The following FHIT variants were observed in gnomAD, a reference collection of about 807,000 sequenced individuals.
FHIT encodes the protein fragile histidine triad diadenosine triphosphatase, also known as bis(5'-adenosyl)-triphosphatase.
FHIT carries 19 observed loss-of-function variants against 17.9 expected under a neutral mutation model. That is an observed-to-expected ratio of 1.06 (90% CI 0.74 to 1.56). The LOEUF is 1.56. Ranked by LOEUF, FHIT falls within the 40% of genes most tolerant of loss-of-function variation. The pLI is 0.00. For synonymous variants in FHIT, 81 were observed against 69.7 expected, an observed-to-expected ratio of 1.16 and a Z score of -0.81; for missense variants, 248 against 189.2, an observed-to-expected ratio of 1.31 and a Z score of -1.82.
intron 4 of FHIT, among the ~76,000 whole-genome samples, chr3:60,552,891 G>C (rs537606338): frequency 6.6e-6 from 1 of 152,310 alleles, no homozygotes; most frequent in East Asian, 1.9e-4. Context: ...TGCATGTCTG[G>C]ATGGGTTTTC....
Position 61,101,570 on chromosome 3 carries a change from G to GT in FHIT, c.-163-59472dup, listed in dbSNP as rs564786012. On this transcript the variant is annotated intron_variant, in intron 2 of 9. Coordinates refer to ENST00000492590, the MANE Select transcript of FHIT (RefSeq NM_002012.4). The stretch of plus-strand genomic sequence containing the variant: ...CTTTTTTGGTTCCATATGAACTTTA[G>GT]TTTTTTCCAATTCTATGAAGAAAGT... Among the ~76,000 whole-genome samples the GT allele has an allele frequency of 6.4e-3, 963 of 150,738 alleles. 10 individuals are homozygous for GT. Among genetic ancestry groups the GT allele is most frequent in the African/African-American group, 0.022 (925 of 41,278 alleles).
At chr3:61,208,328 G>A (rs2039325234) in intron 1 of FHIT, among the ~76,000 whole-genome samples, 1 of 152,004 alleles carries the variant, frequency 6.6e-6, no homozygotes, top group African/African-American at 2.4e-5. Context: ...ATGTCTATTA[G>A]GTCCGCTTGG....
rs1477766026 is a variant in FHIT at position 60,842,617 on chromosome 3, ATATATATGAGTG to A, written c.-110-20618_-110-20607del. 8.9e-4 allele frequency among the ~76,000 whole-genome samples: 104 copies of A among 116,240 alleles called. 3 individuals carry two copies. Among genetic ancestry groups the A allele is most frequent in the African/African-American group, 3.2e-3 (91 of 28,262 alleles). The allele number at this position is 116,240 out of a possible 152,430, so 76.3% of individuals were successfully genotyped here. On this transcript the variant is annotated intron_variant, in intron 3 of 9. Coordinates refer to ENST00000492590, the MANE Select transcript of FHIT (RefSeq NM_002012.4). Reference sequence around the variant, plus strand: ...TAAATGAGTGTATATATATATACATATATATATGAGTGTATATATATATATATATTTTTTTTT... The same window carrying A: ...TAAATGAGTGTATATATATATACATATATATATATATATATATTTTTTTTT...
intron 2 of FHIT, among the ~76,000 whole-genome samples, chr3:61,132,207 G>C (rs2036783805): frequency 6.6e-6 from 1 of 152,180 alleles, no homozygotes. Context: ...TCACTTGATT[G>C]CTGAAGGAAT....
At chr3:60,379,974 C>T (rs9853451) in intron 5 of FHIT, among the ~76,000 whole-genome samples, 95,528 of 152,018 alleles carry the variant, frequency 0.63, 30,116 homozygotes, top group East Asian at 0.69. Flanking sequence ...ACAACAGCAT[C>T]AATAATAATA....
chr3:60,943,545 G>A (rs994510523), intron 3 of FHIT, among the ~76,000 whole-genome samples: 5 of 152,068 alleles, frequency 3.3e-5, no homozygotes, highest in Admixed American at 2.0e-4. Context: ...GAGTATAGCT[G>A]TTCTCTCTAT....
chr3:61,062,594 T>A (rs148393152), intron 2 of FHIT, among the ~76,000 whole-genome samples: 4 of 152,192 alleles, frequency 2.6e-5, no homozygotes, highest in Admixed American at 1.3e-4. Context: ...AGTAGAGACA[T>A]TGAGAATGGT....
chr3:59,779,273 A>G (rs112358428), intron 8 of FHIT, among the ~76,000 whole-genome samples: 4 of 152,170 alleles, frequency 2.6e-5, no homozygotes, highest in African/African-American at 7.2e-5. Flanking sequence ...TCAGAAACGT[A>G]TATATTGTTA....
intron 3 of FHIT, among the ~76,000 whole-genome samples, chr3:60,860,358 TGACATACATCATATGTATAC>T (rs1553751319): frequency 1.4e-5 from 2 of 143,812 alleles, no homozygotes; most frequent in African/African-American, 5.6e-5. Flanking sequence ...TATGTATACA[TGACATACATCATATGTATAC>T]ATGACATACA....
At chr3:59,752,546 G>A (rs977051940) in intron 8 of FHIT, among the ~76,000 whole-genome samples, 1 of 152,100 alleles carries the variant, frequency 6.6e-6, no homozygotes, top group Non-Finnish European at 1.5e-5. Flanking sequence ...CTGAGGCTGA[G>A]GGGGGTGATG....
intron 3 of FHIT, among the ~76,000 whole-genome samples, chr3:60,927,632 C>T (rs888686246): frequency 3.9e-5 from 6 of 151,910 alleles, no homozygotes; most frequent in African/African-American, 7.3e-5. Context: ...TCTGCCCGGC[C>T]GCCCTGTCTG....
chr3:60,949,004 T>TA (rs377251033), intron 3 of FHIT, among the ~76,000 whole-genome samples: 84 of 146,184 alleles, frequency 5.7e-4, no homozygotes, highest in South Asian at 1.1e-3. Flanking sequence ...TTTGCAACAT[T>TA]AAAAAAAAAA....
chr3:60,326,848 G>T (rs1709718540), intron 5 of FHIT, among the ~76,000 whole-genome samples: 1 of 152,138 alleles, frequency 6.6e-6, no homozygotes, highest in African/African-American at 2.4e-5. Context: ...ATGCTTTCTG[G>T]AAGAAGAATT....
At chr3:60,473,795 C>T (rs1376923960) in intron 5 of FHIT, among the ~76,000 whole-genome samples, 1 of 151,940 alleles carries the variant, frequency 6.6e-6, no homozygotes, top group African/African-American at 2.4e-5. Flanking sequence ...GCAGCATGCA[C>T]CTGTATAGTC....
chr3:60,043,064 G>A (rs1701508059), intron 5 of FHIT, among the ~76,000 whole-genome samples: 1 of 152,186 alleles, frequency 6.6e-6, no homozygotes. Context: ...CAACCTGGGG[G>A]AAAGTGGACT....
chr3:59,917,333 C>T (rs143093763), intron 8 of FHIT, among the ~76,000 whole-genome samples: 1 of 152,304 alleles, frequency 6.6e-6, no homozygotes, highest in East Asian at 1.9e-4. Context: ...CACAACCATT[C>T]AATGTCACCC....
intron 8 of FHIT, among the ~76,000 whole-genome samples, chr3:59,833,903 C>T (rs1036904092): frequency 6.6e-6 from 1 of 152,152 alleles, no homozygotes; most frequent in Admixed American, 6.6e-5. Context: ...CTCTCTCCTG[C>T]CACCTTGTGA....
intron 2 of FHIT, among the ~76,000 whole-genome samples, chr3:61,120,005 G>C (rs1202044746): frequency 6.6e-6 from 1 of 152,234 alleles, no homozygotes; most frequent in East Asian, 1.9e-4. Flanking sequence ...TCTTTTTATT[G>C]ATTCTTTTTC....
chr3:60,181,127 A>G (rs1163622687), intron 5 of FHIT, among the ~76,000 whole-genome samples: 2 of 149,648 alleles, frequency 1.3e-5, no homozygotes, highest in Non-Finnish European at 3.0e-5. Flanking sequence ...ATCATTACAC[A>G]GATTACAAAT....
Sources: gnomAD v4.1 joint callset for allele counts (sites outside exome capture counted in the v4.1 genomes callset) on GRCh38, gnomAD v4.1.1 for gene constraint, MANE v1.5 for transcripts, NCBI Gene and HGNC (gene_info 2026-07-23, HGNC 2026-07-21) for gene names.